Variants in ARHGEF10L observed in about 807,000 individuals in gnomAD.
ARHGEF10L encodes the protein Rho guanine nucleotide exchange factor 10 like, also known as rho guanine nucleotide exchange factor 10-like protein.
In ARHGEF10L, 69 loss-of-function variants were observed where a neutral mutation model predicts 141.2. That is an observed-to-expected ratio of 0.49 (90% CI 0.40 to 0.60). The LOEUF (loss-of-function observed/expected upper bound fraction) is 0.60. Among genes scored for constraint, ARHGEF10L ranks in the 20% least tolerant of loss-of-function variants. The pLI is 0.00. For synonymous variants in ARHGEF10L, 711 were observed against 718.5 expected, an observed-to-expected ratio of 0.99 and a Z score of 0.17; for missense variants, 1,482 against 1,734.3, an observed-to-expected ratio of 0.85 and a Z score of 2.58.
upstream of ARHGEF10L, among the ~76,000 whole-genome samples, chr1:17,536,712 GAGGAGTGA>G: frequency 6.6e-6 from 1 of 152,180 alleles, no homozygotes; most frequent in Non-Finnish European, 1.5e-5. Context: ...CCTTAAATCA[GAGGAGTGA>G]CAGAGGGCTG....
At chr1:17,613,279 C>T (rs2059641374) in intron 8 of ARHGEF10L, 105 bp downstream of exon 8, 1 of 912,528 alleles carries the variant, frequency 1.1e-6, no homozygotes, top group African/African-American at 1.6e-5. Flanking sequence ...CTACCAGGCC[C>T]ACCCTTGAGT....
intron 17 of ARHGEF10L, 78 bp from the exon 18 acceptor site, chr1:17,634,757 G>A: frequency 6.7e-7 from 1 of 1,492,660 alleles, no homozygotes; most frequent in Non-Finnish European, 9.0e-7. Context: ...AGCTGGTGTG[G>A]AGGAGCAATG....
At chr1:17,613,207 G>A (rs571252128) in intron 8 of ARHGEF10L, 33 bp downstream of exon 8, 3 of 1,564,594 alleles carry the variant, frequency 1.9e-6, no homozygotes. Context: ...AGCCCTGGAT[G>A]GGGGCTGTTT....
intron 4 of ARHGEF10L, among the ~76,000 whole-genome samples, chr1:17,600,501 C>T (rs1185581924): frequency 3.9e-5 from 6 of 152,098 alleles, no homozygotes; most frequent in African/African-American, 1.2e-4. Context: ...CTCCACATAC[C>T]CCTCATCCAG....
At chr1:17,640,110 C>T (rs1017693854) in intron 20 of ARHGEF10L, 92 bp from the exon 21 acceptor site, 63 of 1,511,632 alleles carry the variant, frequency 4.2e-5, no homozygotes, top group Non-Finnish European at 5.4e-5. Flanking sequence ...ATCTCCAGGG[C>T]GCGTGGGTTG....
intron 3 of ARHGEF10L, 91 bp from the exon 4 acceptor site, chr1:17,588,355 C>G (rs1476764290): frequency 6.8e-7 from 1 of 1,476,708 alleles, no homozygotes; most frequent in Admixed American, 1.7e-5. Context: ...CTGCGGCGCC[C>G]CTGGGGAGGC....
At chr1:17,562,613 C>T (rs2100845940) in intron 1 of ARHGEF10L, among the ~76,000 whole-genome samples, 1 of 152,336 alleles carries the variant, frequency 6.6e-6, no homozygotes, top group East Asian at 1.9e-4. Context: ...GAATCATTGT[C>T]ACTTTGATTT....
intron 22 of ARHGEF10L, among the ~76,000 whole-genome samples, chr1:17,653,672 CT>C (rs2062065631): frequency 6.6e-6 from 1 of 152,242 alleles, no homozygotes; most frequent in African/African-American, 2.4e-5. Flanking sequence ...GTGCCAAGGC[CT>C]CTGGTGTGCA....
At chr1:17,670,634 C>T (rs924776051) in intron 26 of ARHGEF10L, among the ~76,000 whole-genome samples, 3 of 152,354 alleles carry the variant, frequency 2.0e-5, no homozygotes, top group East Asian at 1.9e-4. Flanking sequence ...TGTGAGCTGG[C>T]GTCTCTGCCA....
At chr1:17,694,825 C>T (rs573711640) in intron 27 of ARHGEF10L, 2 of 466,130 alleles carry the variant, frequency 4.3e-6, no homozygotes, top group South Asian at 3.6e-5. Context: ...CTTGGACAAC[C>T]CTTTGTGCCG....
At chr1:17,593,325 C>G (rs772402510) in intron 4 of ARHGEF10L, among the ~76,000 whole-genome samples, 2 of 152,202 alleles carry the variant, frequency 1.3e-5, no homozygotes, top group Non-Finnish European at 2.9e-5. Flanking sequence ...AGAATCATGG[C>G]CCTTCCACCC....
Position 17,639,732 on chromosome 1 carries a change from CTTCA to C in ARHGEF10L, c.2172-462_2172-459del. On this transcript the variant is annotated intron_variant, in intron 20 of 28. Transcript: ENST00000361221. The surrounding 1 kb of genome is among the most constrained non-coding windows in gnomAD (Gnocchi z 4.3). Reference sequence around the variant, plus strand: ...GGTGCTTAACCTGATTCATTCATTTCTTCATTCATTCCTGTGTCCACTCAGCAAA... The same window carrying C: ...GGTGCTTAACCTGATTCATTCATTTCTTCATTCCTGTGTCCACTCAGCAAA... 8.0e-6 allele frequency: 6 copies of C among 746,258 alleles called. No individual in the cohort carries two copies. The South Asian group carries it at 8.6e-5, about 11-fold the overall frequency. The allele number at this position is 746,258 out of a possible 1,614,324, so 46.2% of individuals were successfully genotyped here.
At chr1:17,629,582 G>C (rs2060567658) in intron 15 of ARHGEF10L, among the ~76,000 whole-genome samples, 1 of 152,158 alleles carries the variant, frequency 6.6e-6, no homozygotes, top group Admixed American at 6.5e-5. Context: ...GATTGGGCTG[G>C]GGAAGACGAG....
chr1:17,525,079 G>A, the ARHGEF10L span, among the ~76,000 whole-genome samples: 9 of 152,086 alleles, frequency 5.9e-5, no homozygotes, highest in Middle Eastern at 3.2e-3. Context: ...GGAGCTCTCC[G>A]GACCACACTG....
chr1:17,664,106 T>C (rs1380902801), intron 25 of ARHGEF10L, among the ~76,000 whole-genome samples: 1 of 151,938 alleles, frequency 6.6e-6, no homozygotes, highest in Non-Finnish European at 1.5e-5. Context: ...CAGCACCCAG[T>C]GCATGGCATG....
At chr1:17,595,676 G>A (rs1360556899) in intron 4 of ARHGEF10L, among the ~76,000 whole-genome samples, 1 of 152,166 alleles carries the variant, frequency 6.6e-6, no homozygotes, top group East Asian at 1.9e-4. Flanking sequence ...GGCCACAGAG[G>A]GAAGAGGGAA....
chr1:17,641,570 C>T (rs2061330913), intron 21 of ARHGEF10L, among the ~76,000 whole-genome samples: 1 of 152,070 alleles, frequency 6.6e-6, no homozygotes, highest in South Asian at 2.1e-4. Context: ...TTGCGGCGAG[C>T]CAAGATCATG....
chr1:17,664,341 G>C (rs1231782481), intron 25 of ARHGEF10L, 106 bp from the exon 26 acceptor site: 2 of 1,278,990 alleles, frequency 1.6e-6, no homozygotes, highest in Non-Finnish European at 2.1e-6. Context: ...GGAGAGCGGG[G>C]AGAGGGTGTG....
At chr1:17,536,544 G>A (rs988318915), upstream of ARHGEF10L, among the ~76,000 whole-genome samples, 4 of 152,206 alleles carry the variant, frequency 2.6e-5, no homozygotes, top group African/African-American at 9.6e-5. Flanking sequence ...TGTCAAGAGG[G>A]CAAGAATACG....
Sources: gnomAD v4.1 joint callset for allele counts (sites outside exome capture counted in the v4.1 genomes callset) on GRCh38, gnomAD v4.1.1 for gene constraint, Gnocchi (gnomAD v3.1) non-coding constraint, MANE v1.5 for transcripts, NCBI Gene and HGNC (gene_info 2026-07-23, HGNC 2026-07-21) for gene names.